The following INSR variants were observed in gnomAD, a reference collection of about 807,000 sequenced individuals.
INSR encodes insulin receptor.
In INSR, 67 loss-of-function variants were observed where a neutral mutation model predicts 142.6. The observed-to-expected ratio is 0.47, with a 90% confidence interval of 0.39 to 0.58. The LOEUF (loss-of-function observed/expected upper bound fraction) is 0.58. Ranked by LOEUF, INSR falls within the 20% of genes least tolerant of loss-of-function variation. INSR has a pLI of 0.00. For synonymous variants in INSR, 756 were observed against 743.1 expected, an observed-to-expected ratio of 1.02 and a Z score of -0.28; for missense variants, 1,248 against 1,833.2, an observed-to-expected ratio of 0.68 and a Z score of 5.83.
At chr19:7,212,122 C>A (rs1267187793) in intron 2 of INSR, among the ~76,000 whole-genome samples, 1 of 144,680 alleles carries the variant, frequency 6.9e-6, no homozygotes, top group Non-Finnish European at 1.5e-5. Context: ...ATGTCAGGAG[C>A]ATCTCCCCCC....
chr19:7,235,252 C>T (rs940849234), intron 2 of INSR, among the ~76,000 whole-genome samples: 1 of 152,060 alleles, frequency 6.6e-6, no homozygotes, highest in African/African-American at 2.4e-5. Flanking sequence ...TGCAGCTCGT[C>T]CACCCTTTGA....
At chr19:7,278,343 C>T (rs1299464251) in intron 1 of INSR, among the ~76,000 whole-genome samples, 1 of 152,108 alleles carries the variant, frequency 6.6e-6, no homozygotes, top group Middle Eastern at 3.2e-3. Context: ...TGGAACAAAC[C>T]AAGAAGCCAG....
At position 7,267,604 on chromosome 19, in the gene INSR, G is replaced by A. The variant is rs759888224; in HGVS notation, c.393C>T (p.Leu131=). ...VIFEMVHLKE[L]GLYNLMNITR... is the part of the protein sequence containing the mutation. Reference sequence around the variant, plus strand: ...TGATGTTCATCAGGTTGTAGAGGCCGAGTTCCTTGAGGTGAACCATCTCGA... The same window carrying A: ...TGATGTTCATCAGGTTGTAGAGGCCAAGTTCCTTGAGGTGAACCATCTCGA... Residue 131 remains leucine (L), a synonymous_variant, in exon 2 of 22, where the codon CTC becomes CTT. Transcript: ENST00000302850. The surrounding 1 kb of genome is among the most constrained non-coding windows in gnomAD (Gnocchi z 6.3). 1.9e-6 allele frequency: 3 copies of A among 1,614,058 alleles called. No homozygotes were observed. Among genetic ancestry groups the A allele is most frequent in the South Asian group, 2.2e-5 (2 of 91,080 alleles).
At position 7,146,236 on chromosome 19, in the gene INSR, CTT is replaced by C. The variant is rs35961932; in HGVS notation, c.2268-3148_2268-3147del. 1.8e-4 allele frequency among the ~76,000 whole-genome samples: 20 copies of C among 110,752 alleles called. 1 individual carries two copies. The highest frequency in any genetic ancestry group is 2.4e-4 in the African/African-American group (7 of 28,800). 72.7% of individuals were successfully genotyped at this position (110,752 alleles called of 152,430 possible). ...TTCAGTGCAGTATCTTTGTCAAGTT[CTT>C]TTTTTTTTTTTTTTTTTTTTGAGAC... On this transcript the variant is annotated intron_variant, in intron 11 of 21. Coordinates refer to ENST00000302850, the MANE Select transcript of INSR (RefSeq NM_000208.4).
chr19:7,244,144 A>G (rs1976452775), intron 2 of INSR, among the ~76,000 whole-genome samples: 1 of 152,234 alleles, frequency 6.6e-6, no homozygotes, highest in Admixed American at 6.5e-5. Context: ...CATAGTAGCC[A>G]TAACTAACAC....
chr19:7,185,246 T>C (rs933642533), intron 2 of INSR, among the ~76,000 whole-genome samples: 1 of 149,944 alleles, frequency 6.7e-6, no homozygotes, highest in African/African-American at 2.4e-5. Flanking sequence ...AATATCTATG[T>C]TTAACAAATG....
intron 2 of INSR, among the ~76,000 whole-genome samples, chr19:7,231,062 A>G (rs1975957721): frequency 6.6e-6 from 1 of 150,888 alleles, no homozygotes; most frequent in Non-Finnish European, 1.5e-5. Context: ...CCTTGGCCAG[A>G]GCCAGGAGCC....
intron 2 of INSR, among the ~76,000 whole-genome samples, chr19:7,201,668 T>C (rs968904031): frequency 8.7e-4 from 24 of 27,706 alleles, no homozygotes; most frequent in African/African-American, 5.4e-3. Context: ...ATTTTCATTC[T>C]TTTTTTTTTT....
chr19:7,155,589 G>A (rs1443674332), intron 9 of INSR, among the ~76,000 whole-genome samples: 4 of 142,312 alleles, frequency 2.8e-5, no homozygotes, highest in African/African-American at 1.1e-4. Context: ...GGAAGGGGGT[G>A]AGAGAGAGAA....
chr19:7,134,474 A>G lies in INSR; in HGVS notation c.2683-2157T>C, dbSNP rs140403416. Among the ~76,000 whole-genome samples the G allele has an allele frequency of 1.5e-3, 223 of 152,176 alleles. 4 individuals are homozygous for G. In the East Asian group the frequency reaches 0.041, roughly 28 times the overall value. On this transcript the variant is annotated intron_variant, in intron 13 of 21. Transcript: ENST00000302850. The stretch of plus-strand genomic sequence containing the variant: ...ATTTTTTTTTTTTTAATCATTATAA[A>G]AACAGTTGAAGCCCGGGCACGGTGG...
chr19:7,173,074 C>T (rs1248050396), intron 4 of INSR, among the ~76,000 whole-genome samples: 1 of 152,066 alleles, frequency 6.6e-6, no homozygotes, highest in South Asian at 2.1e-4. Context: ...GACTGCCCGG[C>T]CTGCCAGGCT....
intron 1 of INSR, among the ~76,000 whole-genome samples, chr19:7,285,113 G>A (rs972346713): frequency 5.9e-5 from 9 of 152,002 alleles, no homozygotes; most frequent in Admixed American, 2.6e-4. Context: ...CCAGGAGTTC[G>A]AGACCAGCCT....
At position 7,142,903 on chromosome 19, in the gene INSR, G is replaced by A; in HGVS notation, c.2455C>T (p.Arg819Cys). Residue 819 changes from arginine to cysteine, a missense_variant, in exon 12 of 22, where the codon CGC becomes TGC. By Grantham distance (180) the Arg-to-Cys change is radical. Transcript: ENST00000302850. Reference protein sequence around the residue: ...ISGLRHFTGYRIELQACNQDT... With the variant: ...ISGLRHFTGYCIELQACNQDT... ...TGGTTGCAAGCCTGCAGCTCGATGC[G>A]ATAGCCCGTGAAGTGTCGCAAGCCG... The A allele has an allele frequency of 1.2e-6, 2 of 1,614,052 alleles. No homozygotes were observed. The highest frequency in any genetic ancestry group is 8.5e-7 in the Non-Finnish European group (1 of 1,180,026).
chr19:7,166,401 A>C lies in INSR; in HGVS notation c.1614T>G (p.Pro538=), dbSNP rs771065645. 2 of 1,613,892 alleles carry C rather than the reference A, an allele frequency of 1.2e-6. No homozygotes were observed. Among genetic ancestry groups the C allele is most frequent in the East Asian group, 4.5e-5 (2 of 44,878 alleles). ...LGFMLFYKEA[P]YQNVTEFDGQ... is the part of the protein sequence containing the mutation. ...CGTCGAACTCCGTCACATTCTGATA[A>C]GGGCTTTCAAGACAAAACAGCAGAA... Residue 538 remains proline (P), a synonymous_variant, in exon 8 of 22, where the codon CCT becomes CCG. Coordinates refer to ENST00000302850, the MANE Select transcript of INSR (RefSeq NM_000208.4). The surrounding 1 kb of genome is among the most constrained non-coding windows in gnomAD (Gnocchi z 4.1).
intron 1 of INSR, among the ~76,000 whole-genome samples, chr19:7,280,278 A>C (rs1005999441): frequency 6.6e-6 from 1 of 151,170 alleles, no homozygotes; most frequent in Non-Finnish European, 1.5e-5. Context: ...CAAAAAACAA[A>C]AAAACAAAAC....
chr19:7,120,372 T>C (rs1272600655), intron 20 of INSR, among the ~76,000 whole-genome samples: 1 of 152,220 alleles, frequency 6.6e-6, no homozygotes, highest in Non-Finnish European at 1.5e-5. Flanking sequence ...CGGGCACACG[T>C]CCTCAACCTT....
chr19:7,228,201 G>A (rs1307279841), intron 2 of INSR, among the ~76,000 whole-genome samples: 3 of 152,164 alleles, frequency 2.0e-5, no homozygotes, highest in Non-Finnish European at 4.4e-5. Flanking sequence ...ATGAAGACCT[G>A]CCCTAAAATG....
chr19:7,153,376 C>CA, intron 9 of INSR, among the ~76,000 whole-genome samples: 1 of 13,682 alleles, frequency 7.3e-5, no homozygotes, highest in Non-Finnish European at 2.4e-4. Context: ...CCCACACACA[C>CA]CATACACGCA....
At chr19:7,143,159 G>T (rs891818156) in intron 11 of INSR, 69 bp from the exon 12 acceptor site, 1 of 1,540,856 alleles carries the variant, frequency 6.5e-7, no homozygotes, top group Non-Finnish European at 9.0e-7. Context: ...TGACACTGGA[G>T]AATAAAAGGC....
Sources: allele counts gnomAD v4.1 joint callset (sites outside exome capture counted in the v4.1 genomes callset), GRCh38; gene constraint gnomAD v4.1.1; non-coding constraint Gnocchi (gnomAD v3.1); transcripts MANE v1.5; gene names NCBI Gene and HGNC (gene_info 2026-07-23, HGNC 2026-07-21).